Variants in NCAM2 observed in about 807,000 individuals in gnomAD.
NCAM2 encodes the protein N-CAM-2.
A neutral mutation model predicts 98.1 loss-of-function variants in NCAM2; 30 were observed. The observed-to-expected ratio is 0.31, with a 90% CI of 0.23 to 0.41. NCAM2 has a LOEUF of 0.41. NCAM2 is among the 10% of genes least tolerant of loss of function. The pLI is 1.00. For missense variants in NCAM2, 867 were observed against 1,005.8 expected (o/e 0.86, Z 1.87); for synonymous variants, 368 against 342.4 (o/e 1.07, Z -0.83).
At chr21:21,003,548 G>T (rs2064058630) in intron 1 of NCAM2, among the ~76,000 whole-genome samples, 1 of 152,136 alleles carries the variant, frequency 6.6e-6, no homozygotes, top group Non-Finnish European at 1.5e-5. Context: ...AGGAGCAATT[G>T]TAACAATAAA....
intron 1 of NCAM2, among the ~76,000 whole-genome samples, chr21:21,277,573 G>A (rs2072776295): frequency 6.6e-6 from 1 of 152,118 alleles, no homozygotes; most frequent in South Asian, 2.1e-4. Context: ...GTGTGAGTCA[G>A]TTGGGGAGAG....
intron 15 of NCAM2, among the ~76,000 whole-genome samples, chr21:21,507,077 T>G (rs939371962): frequency 6.6e-6 from 1 of 150,628 alleles, no homozygotes; most frequent in African/African-American, 2.4e-5. Context: ...TTTAGAATTA[T>G]AAGAAATAAA....
At chr21:21,523,530 TTTCTTA>T (rs1280707141) in intron 16 of NCAM2, among the ~76,000 whole-genome samples, 6 of 152,044 alleles carry the variant, frequency 3.9e-5, no homozygotes, top group African/African-American at 1.4e-4. Context: ...AACTTTTACT[TTTCTTA>T]TTCTTATTCA....
intron 9 of NCAM2, among the ~76,000 whole-genome samples, chr21:21,381,112 T>C (rs1219399725): frequency 6.6e-6 from 1 of 152,340 alleles, no homozygotes; most frequent in East Asian, 1.9e-4. Flanking sequence ...CTCCTTATAA[T>C]TGGAGTGTTT....
At chr21:21,162,597 G>A (rs753511081) in intron 1 of NCAM2, among the ~76,000 whole-genome samples, 7 of 151,998 alleles carry the variant, frequency 4.6e-5, no homozygotes, top group East Asian at 1.9e-4. Context: ...TCTCAAGTTC[G>A]TACAATTTGT....
chr21:21,117,398 T>C (rs550418311), intron 1 of NCAM2, among the ~76,000 whole-genome samples: 3 of 152,180 alleles, frequency 2.0e-5, no homozygotes, highest in Non-Finnish European at 4.4e-5. Flanking sequence ...CATCTCTTGG[T>C]GAAATAAATA....
At chr21:21,530,207 A>ATTTAATTTAATTTAATTATATAT (rs1306257591) in intron 16 of NCAM2, among the ~76,000 whole-genome samples, 33 of 31,032 alleles carry the variant, frequency 1.1e-3, no homozygotes, top group African/African-American at 3.0e-3. Flanking sequence ...AATTATATAT[A>ATTTAATTTAATTTAATTATATAT]ATTTAATTTA....
chr21:21,107,377 G>A (rs1001084337), intron 1 of NCAM2, among the ~76,000 whole-genome samples: 3 of 151,872 alleles, frequency 2.0e-5, no homozygotes, highest in East Asian at 3.9e-4. Flanking sequence ...AACTATATCT[G>A]ATGTTTTTTT....
chr21:21,149,110 A>G (rs1201110997), intron 1 of NCAM2, among the ~76,000 whole-genome samples: 1 of 152,146 alleles, frequency 6.6e-6, no homozygotes, highest in Non-Finnish European at 1.5e-5. Flanking sequence ...AATTGTCTGG[A>G]TATCTGTAAG....
At chr21:21,116,146 A>G (rs1410336512) in intron 1 of NCAM2, among the ~76,000 whole-genome samples, 1 of 151,980 alleles carries the variant, frequency 6.6e-6, no homozygotes, top group Admixed American at 6.6e-5. Context: ...TCTTGCGTTT[A>G]TTAGTTTAGG....
At chr21:21,091,444 T>C (rs2066010060) in intron 1 of NCAM2, among the ~76,000 whole-genome samples, 1 of 152,186 alleles carries the variant, frequency 6.6e-6, no homozygotes, top group African/African-American at 2.4e-5. Context: ...CGATGTTCAT[T>C]AAAGTACATA....
chr21:21,200,305 C>A (rs892121250), intron 1 of NCAM2, among the ~76,000 whole-genome samples: 2 of 151,490 alleles, frequency 1.3e-5, no homozygotes, highest in African/African-American at 4.9e-5. Context: ...ATCCTTCATA[C>A]CAGGAAACGC....
chr21:21,384,002 G>T (rs949289099), intron 9 of NCAM2, among the ~76,000 whole-genome samples: 1 of 151,816 alleles, frequency 6.6e-6, no homozygotes, highest in African/African-American at 2.4e-5. Context: ...CATTAGCCTG[G>T]TGTTTGTTGA....
At chr21:21,243,788 G>A (rs1224271524) in intron 1 of NCAM2, among the ~76,000 whole-genome samples, 1 of 152,168 alleles carries the variant, frequency 6.6e-6, no homozygotes, top group East Asian at 1.9e-4. Flanking sequence ...GGAGCCTTAT[G>A]ATGGAAAGAA....
chr21:21,201,832 TCA>T lies in NCAM2; in HGVS notation c.56-78745_56-78744del, dbSNP rs2069235489. Reference sequence around the variant, plus strand: ...AATAATGGTCTCTGGACTTACAGCTTCAGCATCATCTGGGGAATTTTTAGAAA... The same window carrying T: ...AATAATGGTCTCTGGACTTACAGCTTGCATCATCTGGGGAATTTTTAGAAA... On this transcript the variant is annotated intron_variant, in intron 1 of 17. Coordinates refer to ENST00000400546, the MANE Select transcript of NCAM2 (RefSeq NM_004540.5). Among the ~76,000 whole-genome samples, 9 of 152,226 alleles carry T rather than the reference TCA, an allele frequency of 5.9e-5. No homozygotes were observed. In the South Asian group the frequency reaches 1.9e-3, roughly 31 times the overall value.
chr21:21,175,247 G>A (rs62207657), intron 1 of NCAM2, among the ~76,000 whole-genome samples: 3,041 of 151,930 alleles, frequency 0.02, 52 homozygotes, highest in Non-Finnish European at 0.031. Context: ...GAAAAACTAG[G>A]GTGGTGGCCG....
At chr21:21,055,057 A>T (rs954077726) in intron 1 of NCAM2, among the ~76,000 whole-genome samples, 4 of 152,068 alleles carry the variant, frequency 2.6e-5, no homozygotes, top group African/African-American at 9.6e-5. Context: ...CAAGAGAGAA[A>T]TATAAACATG....
At chr21:21,520,277 T>TA (rs893098633) in intron 16 of NCAM2, among the ~76,000 whole-genome samples, 1 of 152,076 alleles carries the variant, frequency 6.6e-6, no homozygotes, top group Non-Finnish European at 1.5e-5. Flanking sequence ...CATTTTAATT[T>TA]AAAAAAATCA....
At chr21:21,160,396 A>G (rs1381076725) in intron 1 of NCAM2, among the ~76,000 whole-genome samples, 2 of 151,992 alleles carry the variant, frequency 1.3e-5, no homozygotes, top group African/African-American at 4.8e-5. Context: ...AATTTTACCA[A>G]TTAGATTTCT....
Sources: allele counts gnomAD v4.1 joint callset (sites outside exome capture counted in the v4.1 genomes callset), GRCh38; gene constraint gnomAD v4.1.1; transcripts MANE v1.5; gene names NCBI Gene and HGNC (gene_info 2026-07-23, HGNC 2026-07-21).